PALB2: variants seen among roughly 807,000 people sequenced by gnomAD.
PALB2 encodes the protein partner and localizer of BRCA2.
PALB2 carries 82 observed loss-of-function variants against 107.4 expected under a neutral mutation model. The observed-to-expected ratio is 0.76, with a 90% CI of 0.64 to 0.92. The LOEUF is 0.92. PALB2 is among the 40% of genes least tolerant of loss of function. The pLI is 0.00. For missense variants in PALB2, 1,374 were observed against 1,379.9 expected, an observed-to-expected ratio of 1.00 and a Z score of 0.07; for synonymous variants, 489 against 496.8, an observed-to-expected ratio of 0.98 and a Z score of 0.21.
intron 7 of PALB2, among the ~76,000 whole-genome samples, chr16:23,625,255 C>T (rs755515563): frequency 6.6e-6 from 1 of 151,950 alleles, no homozygotes; most frequent in Non-Finnish European, 1.5e-5. Context: ...ATTGCTTGAA[C>T]CCGGGAAGCG....
chr16:23,611,149 T>C (rs1479445511), intron 11 of PALB2, among the ~76,000 whole-genome samples: 1 of 151,974 alleles, frequency 6.6e-6, no homozygotes, highest in Non-Finnish European at 1.5e-5. Flanking sequence ...TTGTTGTTGT[T>C]GTTCTTTTGT....
Position 23,635,040 on chromosome 16 carries a change from C to G in PALB2, c.1506G>C (p.Lys502Asn), listed in dbSNP as rs371142570. 6.2e-7 allele frequency: 1 copy of G among 1,614,136 alleles called. No homozygotes were observed. The highest frequency in any genetic ancestry group is 8.5e-7 in the Non-Finnish European group (1 of 1,180,028). ...GPTEDNDLSR[K>N]AVAQAPGRRY... is the part of the protein sequence containing the mutation. ...TTCTACCAGGTGCTTGGGCAACTGC[C>G]TTCCTAGACAAGTCATTATCTTCAG... The change falls in exon 4 of 13, where the codon AAG (lysine) becomes AAC (asparagine). Residue 502 changes from lysine (K) to asparagine (N), a missense_variant. By Grantham distance (94) the Lys-to-Asn change is moderately conservative. Coordinates refer to ENST00000261584, the MANE Select transcript of PALB2 (RefSeq NM_024675.4).
chr16:23,632,217 G>A (rs1479544007), intron 4 of PALB2, among the ~76,000 whole-genome samples: 1 of 152,196 alleles, frequency 6.6e-6, no homozygotes, highest in Non-Finnish European at 1.5e-5. Context: ...CTGAAGGCAG[G>A]TGGATCACTT....
At chr16:23,634,559 G>C (rs529883447) in intron 4 of PALB2, among the ~76,000 whole-genome samples, 12 of 152,288 alleles carry the variant, frequency 7.9e-5, no homozygotes, top group African/African-American at 2.4e-4. Context: ...GGCTGAGGCA[G>C]GAGGAACATT....
chr16:23,625,149 A>G (rs1266480891), intron 7 of PALB2, among the ~76,000 whole-genome samples: 1 of 152,128 alleles, frequency 6.6e-6, no homozygotes, highest in Non-Finnish European at 1.5e-5. Context: ...CCTGGCCAAC[A>G]TGGTAAAACC....
At chr16:23,621,934 A>G (rs1032229823) in intron 9 of PALB2, among the ~76,000 whole-genome samples, 2 of 152,092 alleles carry the variant, frequency 1.3e-5, no homozygotes, top group Non-Finnish European at 2.9e-5. Flanking sequence ...GTCAATCACC[A>G]AGTCCCAGTA....
In PALB2 at chr16:23,638,072, G is replaced by T. The variant is rs757369748; in HGVS notation, c.106C>A (p.Gln36Lys). ...REYSKTLARLQRAQRAEKIKH... is the reference protein window; with the variant it reads ...REYSKTLARLKRAQRAEKIKH... ...ATTTGAGAATACGATTCACTTACCT[G>T]AAGGCGGGCTAGTGTCTTGCTGTAT... Residue 36 changes from glutamine (Q) to lysine (K), a missense_variant and splice_region_variant, in exon 2 of 13, where the codon CAG (glutamine) becomes AAG (lysine). Physicochemically the swap from Gln to Lys is moderately conservative, Grantham distance 53. Coordinates refer to ENST00000261584, the MANE Select transcript of PALB2 (RefSeq NM_024675.4). 1 of 1,613,752 alleles carries T rather than the reference G, an allele frequency of 6.2e-7. No individual in the cohort carries two copies. Among genetic ancestry groups the T allele is most frequent in the African/African-American group, 1.3e-5 (1 of 75,004 alleles).
intron 4 of PALB2, among the ~76,000 whole-genome samples, chr16:23,631,468 CAAA>C (rs1341918904): frequency 6.6e-6 from 1 of 151,212 alleles, no homozygotes; most frequent in Non-Finnish European, 1.5e-5. Context: ...GATTCTGTCT[CAAA>C]AAATAAATAA....
chr16:23,613,517 A>G (rs1966624460), intron 11 of PALB2, among the ~76,000 whole-genome samples: 1 of 152,044 alleles, frequency 6.6e-6, no homozygotes, highest in Admixed American at 6.6e-5. Context: ...GGTGGCGGGC[A>G]CCTGTAATCC....
intron 1 of PALB2, 131 bp downstream of exon 1, chr16:23,640,979 C>T: frequency 8.8e-6 from 9 of 1,027,078 alleles, no homozygotes; most frequent in Non-Finnish European, 1.1e-5. Context: ...TCTGTGCCCC[C>T]TCAGCCCTAA....
At chr16:23,613,740 A>T (rs935028338) in intron 11 of PALB2, among the ~76,000 whole-genome samples, 2 of 152,180 alleles carry the variant, frequency 1.3e-5, no homozygotes, top group East Asian at 3.8e-4. Flanking sequence ...GTCAAGTCTG[A>T]TAACAGGCAT....
In PALB2 at chr16:23,631,122, A is replaced by T. The variant is rs541793270; in HGVS notation, c.1685-653T>A. ...CTACTAAAAATACAAAAAAAAAAAA[A>T]AAAAAAAATTAGCCGGGTGTGGTGG... is the stretch of plus-strand genomic sequence containing the variant. On this transcript the variant is annotated intron_variant, in intron 4 of 12. Coordinates refer to ENST00000261584, the MANE Select transcript of PALB2 (RefSeq NM_024675.4). Among the ~76,000 whole-genome samples the T allele has an allele frequency of 3.4e-4, 50 of 148,884 alleles. No individual in the cohort carries two copies. The South Asian group carries it at 8.9e-3, about 26-fold the overall frequency.
chr16:23,618,537 G>C (rs886674806), intron 10 of PALB2, among the ~76,000 whole-genome samples: 31 of 151,996 alleles, frequency 2.0e-4, no homozygotes, highest in African/African-American at 6.8e-4. Context: ...TGAGGGATGA[G>C]GGTAGAGTTG....
rs1057522196 is a variant in PALB2, at chr16:23,636,084, T to C, written c.462A>G (p.Thr154=). 1.2e-6 allele frequency: 2 copies of C among 1,613,860 alleles called. No individual in the cohort carries two copies. The highest frequency in any genetic ancestry group is 1.3e-5 in the African/African-American group (1 of 74,896). ...PSRRKKQQKR[T]FISQERDCVF... ...CACAGTCTCTCTCCTGTGAAATAAA[T>C]GTCCTCTTCTGCTGCTTCTTTCTTC... Residue 154 remains threonine (T), a synonymous_variant, in exon 4 of 13, where the codon ACA becomes ACG. Coordinates refer to ENST00000261584, the MANE Select transcript of PALB2 (RefSeq NM_024675.4).
At chr16:23,616,720 G>T (rs955561347) in intron 10 of PALB2, among the ~76,000 whole-genome samples, 1 of 152,202 alleles carries the variant, frequency 6.6e-6, no homozygotes, top group African/African-American at 2.4e-5. Flanking sequence ...AGTGAATATG[G>T]ACAGCAAGAC....
At chr16:23,610,348 C>T (rs145055211) in intron 11 of PALB2, among the ~76,000 whole-genome samples, 1,315 of 129,792 alleles carry the variant, frequency 0.01, 21 homozygotes, top group African/African-American at 0.036. Flanking sequence ...CTTGCTTTTT[C>T]GCCAGGCTGG....
intron 3 of PALB2, 152 bp downstream of exon 3, chr16:23,637,698 C>T (rs1436387321): frequency 1.5e-6 from 1 of 666,486 alleles, no homozygotes; most frequent in Non-Finnish European, 2.5e-6. Context: ...AAGAGTGAGA[C>T]TCTGTCTCAA....
At position 23,641,306 on chromosome 16, in the gene PALB2, C is replaced by A; in HGVS notation, c.-149G>T. On this transcript the variant is annotated 5_prime_UTR_variant, in exon 1 of 13. Coordinates refer to ENST00000261584, the MANE Select transcript of PALB2 (RefSeq NM_024675.4). Reference sequence around the variant, plus strand: ...TCAGTGCGCGATCAGCTGACCCACGCGGGCCAAGCGCGCCCTAAACTCCGG... The same window carrying A: ...TCAGTGCGCGATCAGCTGACCCACGAGGGCCAAGCGCGCCCTAAACTCCGG... 1 of 1,121,638 alleles carries A rather than the reference C, an allele frequency of 8.9e-7. No homozygotes were observed. The highest frequency in any genetic ancestry group is 1.3e-6 in the Non-Finnish European group (1 of 777,892). 69.5% of individuals were successfully genotyped at this position (1,121,638 alleles called of 1,614,324 possible).
intron 11 of PALB2, among the ~76,000 whole-genome samples, chr16:23,609,742 T>TC (rs1268757462): frequency 6.6e-6 from 1 of 152,204 alleles, no homozygotes; most frequent in African/African-American, 2.4e-5. Flanking sequence ...GGTCTCGATC[T>TC]CCTGACCTCA....
Sources: gnomAD v4.1 joint callset for allele counts (sites outside exome capture counted in the v4.1 genomes callset) on GRCh38, gnomAD v4.1.1 for gene constraint, MANE v1.5 for transcripts, NCBI Gene and HGNC (gene_info 2026-07-23, HGNC 2026-07-21) for gene names.